The following COBL variants were observed in gnomAD, a reference collection of about 807,000 sequenced individuals.
COBL encodes cordon-bleu WH2 repeat protein.
COBL carries 51 observed loss-of-function variants against 98.8 expected under a neutral mutation model. The ratio of observed to expected loss-of-function variants is 0.52; its 90% confidence interval spans 0.41 to 0.65. The LOEUF (loss-of-function observed/expected upper bound fraction) is 0.65, where lower values mean the gene tolerates loss of function less well. Ranked by LOEUF, COBL falls within the 30% of genes least tolerant of loss-of-function variation. COBL has a pLI of 0.00. For synonymous variants in COBL, 634 were observed against 651.7 expected (o/e 0.97, Z 0.41); for missense variants, 1,617 against 1,617.5 (o/e 1.00, Z 0.01).
In COBL at chr7:51,016,608, T is replaced by C. The variant is rs115777664; in HGVS notation, c.*943A>G. On this transcript the variant is annotated 3_prime_UTR_variant, in exon 13 of 13. Transcript: ENST00000265136. ...AGCTGTTGGACAAACGCGTCAAGGC[T>C]GAACCAAAATTGTGATGCTCTCAGC... The C allele has an allele frequency of 3.7e-3, 873 of 237,500 alleles. 6 individuals carry two copies. The highest frequency in any genetic ancestry group is 0.018 in the African/African-American group (820 of 45,062). The allele number at this position is 237,500 out of a possible 1,614,324, so 14.7% of individuals were successfully genotyped here. A position where few individuals can be genotyped will look rare whatever the true frequency, so the allele number is the denominator to read the frequency against.
chr7:51,236,245 GT>G (rs1398878064), intron 1 of COBL, among the ~76,000 whole-genome samples: 30 of 152,328 alleles, frequency 2.0e-4, no homozygotes, highest in African/African-American at 7.2e-4. Context: ...TCCAGTTTCT[GT>G]TTGCAAGTGA....
chr7:51,116,873 A>G (rs889564680), intron 6 of COBL, among the ~76,000 whole-genome samples: 10 of 152,114 alleles, frequency 6.6e-5, no homozygotes, highest in African/African-American at 2.4e-4. Flanking sequence ...CACTTTAAAG[A>G]TGTCCCATTG....
chr7:51,162,800 G>C (rs1786949965), intron 5 of COBL, among the ~76,000 whole-genome samples: 1 of 152,202 alleles, frequency 6.6e-6, no homozygotes, highest in South Asian at 2.1e-4. Flanking sequence ...CAATGATGTA[G>C]GCTTGCCCTC....
At chr7:51,027,222 G>A (rs1385207539) in intron 10 of COBL, among the ~76,000 whole-genome samples, 1 of 152,236 alleles carries the variant, frequency 6.6e-6, no homozygotes, top group Non-Finnish European at 1.5e-5. Context: ...ATGCAAATGA[G>A]ATAATACTTG....
In COBL at chr7:51,024,303, C is replaced by T. The variant is rs530124297; in HGVS notation, c.3768+806G>A. Among the ~76,000 whole-genome samples, 581 of 151,084 alleles carry T rather than the reference C, an allele frequency of 3.8e-3. 7 individuals carry two copies. The highest frequency in any genetic ancestry group is 0.01 in the South Asian group (48 of 4,782). On this transcript the variant is annotated intron_variant, in intron 12 of 12. Transcript: ENST00000265136. ...CAACCTGGGCGACAGAGTGAGACTC[C>T]GTCTCAGATAAATAAATAAATAAAT...
At chr7:51,131,683 T>TTCC in intron 6 of COBL, among the ~76,000 whole-genome samples, 1 of 151,794 alleles carries the variant, frequency 6.6e-6, no homozygotes, top group Admixed American at 6.6e-5. Context: ...AACCCCCACC[T>TTCC]TCCAGTTTCA....
intron 2 of COBL, among the ~76,000 whole-genome samples, chr7:51,197,350 T>C (rs1318529628): frequency 6.6e-6 from 1 of 152,214 alleles, no homozygotes; most frequent in East Asian, 1.9e-4. Context: ...TTTATTAGTC[T>C]TGATTTCTAA....
At chr7:51,211,688 G>C (rs1157104546) in intron 2 of COBL, among the ~76,000 whole-genome samples, 1 of 152,176 alleles carries the variant, frequency 6.6e-6, no homozygotes, top group East Asian at 1.9e-4. Context: ...ATGCAGAATA[G>C]AGTTTCTCCA....
chr7:51,161,999 T>C (rs1329709989), intron 5 of COBL, among the ~76,000 whole-genome samples: 3 of 152,210 alleles, frequency 2.0e-5, no homozygotes, highest in Non-Finnish European at 2.9e-5. Flanking sequence ...CTCAGGTACC[T>C]TGTCTCATCC....
intron 1 of COBL, among the ~76,000 whole-genome samples, chr7:51,230,323 G>T (rs1490972696): frequency 6.6e-6 from 1 of 152,152 alleles, no homozygotes; most frequent in South Asian, 2.1e-4. Flanking sequence ...CTCCATTTCA[G>T]TCATGGCTTC....
At chr7:51,046,268 G>A (rs1026788500) in intron 7 of COBL, among the ~76,000 whole-genome samples, 2 of 152,142 alleles carry the variant, frequency 1.3e-5, no homozygotes, top group Admixed American at 6.5e-5. Flanking sequence ...GGTGGGGCAG[G>A]GTGTGGCCAA....
intron 1 of COBL, among the ~76,000 whole-genome samples, chr7:51,271,377 A>C (rs1202875170): frequency 6.6e-6 from 1 of 152,182 alleles, no homozygotes; most frequent in Non-Finnish European, 1.5e-5. Context: ...TGGTCCTTGG[A>C]GCTGCTGGGC....
At chr7:51,224,620 T>C (rs1204944504) in intron 1 of COBL, among the ~76,000 whole-genome samples, 1 of 152,058 alleles carries the variant, frequency 6.6e-6, no homozygotes, top group Non-Finnish European at 1.5e-5. Flanking sequence ...TAAAACAGCA[T>C]GCCCGGGCTA....
chr7:51,309,149 C>T (rs970668177), intron 1 of COBL, among the ~76,000 whole-genome samples: 10 of 152,310 alleles, frequency 6.6e-5, no homozygotes, highest in African/African-American at 2.4e-4. Flanking sequence ...CGGCTAAGAT[C>T]TCTGATCCCC....
intron 1 of COBL, among the ~76,000 whole-genome samples, chr7:51,287,442 T>C (rs988219311): frequency 1.6e-4 from 24 of 152,134 alleles, no homozygotes; most frequent in African/African-American, 5.8e-4. Flanking sequence ...AATACTAATA[T>C]ATAAGAATAG....
intron 7 of COBL, among the ~76,000 whole-genome samples, chr7:51,058,660 C>T (rs1791013297): frequency 1.3e-5 from 2 of 152,212 alleles, no homozygotes; most frequent in Admixed American, 6.5e-5. Context: ...TGCTTACAGG[C>T]TATGGCTTCT....
chr7:51,109,366 C>G (rs576266718), intron 6 of COBL, among the ~76,000 whole-genome samples: 3 of 152,326 alleles, frequency 2.0e-5, no homozygotes, highest in African/African-American at 7.2e-5. Context: ...CCAACTGGTT[C>G]TGCATCATCA....
chr7:51,202,370 A>G (rs575304980), intron 2 of COBL, among the ~76,000 whole-genome samples: 1 of 152,218 alleles, frequency 6.6e-6, no homozygotes, highest in Admixed American at 6.5e-5. Flanking sequence ...TATTATAACA[A>G]TATGGTTACA....
intron 7 of COBL, 80 bp downstream of exon 7, chr7:51,085,086 G>GT (rs1794070802): frequency 6.9e-6 from 11 of 1,602,706 alleles, no homozygotes; most frequent in Non-Finnish European, 9.4e-6. Flanking sequence ...TGAGGCCACT[G>GT]CAGGAGTTCA....
Sources: gnomAD v4.1 joint callset for allele counts (sites outside exome capture counted in the v4.1 genomes callset) on GRCh38, gnomAD v4.1.1 for gene constraint, MANE v1.5 for transcripts, NCBI Gene and HGNC (gene_info 2026-07-23, HGNC 2026-07-21) for gene names.